Variants in MSRB3 observed in about 807,000 individuals in gnomAD.
MSRB3 encodes methionine-R-sulfoxide reductase B3.
In MSRB3, 13 loss-of-function variants were observed where a neutral mutation model predicts 21.0. The ratio of observed to expected loss-of-function variants is 0.62; its 90% CI spans 0.40 to 0.98. The LOEUF (loss-of-function observed/expected upper bound fraction) is 0.98, where lower values mean the gene tolerates loss of function less well. Among genes scored for constraint, MSRB3 ranks in the 50% least tolerant of loss-of-function variants. The pLI, the probability that MSRB3 is intolerant of heterozygous loss-of-function variation, is 0.00. For synonymous variants in MSRB3, 87 were observed against 88.6 expected, an observed-to-expected ratio of 0.98 and a Z score of 0.10; for missense variants, 199 against 230.3, an observed-to-expected ratio of 0.86 and a Z score of 0.88.
chr12:65,356,835 A>G (rs888548659), intron 4 of MSRB3, among the ~76,000 whole-genome samples: 3 of 151,888 alleles, frequency 2.0e-5, no homozygotes, highest in African/African-American at 4.8e-5. Context: ...CAAGTGGTTT[A>G]GTACAGATTT....
At chr12:65,448,335 A>G (rs1882709736) in intron 5 of MSRB3, among the ~76,000 whole-genome samples, 1 of 152,216 alleles carries the variant, frequency 6.6e-6, no homozygotes, top group Non-Finnish European at 1.5e-5. Flanking sequence ...TACAATGGTA[A>G]ATGAAACAAA....
At chr12:65,364,489 A>G (rs988966874) in intron 4 of MSRB3, among the ~76,000 whole-genome samples, 1 of 152,200 alleles carries the variant, frequency 6.6e-6, no homozygotes, top group Non-Finnish European at 1.5e-5. Context: ...AGACACAATT[A>G]TATTTATGCA....
At chr12:65,461,286 T>C (rs1248155480) in intron 6 of MSRB3, among the ~76,000 whole-genome samples, 2 of 152,258 alleles carry the variant, frequency 1.3e-5, no homozygotes, top group Non-Finnish European at 2.9e-5. Flanking sequence ...GTATTTTTAC[T>C]GGTTCATCTT....
intron 1 of MSRB3, chr12:65,284,220 C>G (rs1187824143): frequency 6.6e-6 from 1 of 152,108 alleles, no homozygotes; most frequent in Non-Finnish European, 1.5e-5. Flanking sequence ...CTTGAAATGT[C>G]ATAATCAGAG....
intron 4 of MSRB3, among the ~76,000 whole-genome samples, chr12:65,346,356 T>A (rs1192562087): frequency 3.9e-5 from 6 of 152,216 alleles, no homozygotes; most frequent in Non-Finnish European, 5.9e-5. Flanking sequence ...CATTTTTTCA[T>A]GTGTTTTTTG....
At chr12:65,363,006 G>C (rs1224004152) in intron 4 of MSRB3, among the ~76,000 whole-genome samples, 3 of 152,130 alleles carry the variant, frequency 2.0e-5, no homozygotes, top group Admixed American at 6.6e-5. Flanking sequence ...CAGATTATTT[G>C]ACTTGGATTG....
At chr12:65,370,827 T>C (rs1032710478) in intron 5 of MSRB3, among the ~76,000 whole-genome samples, 1 of 152,170 alleles carries the variant, frequency 6.6e-6, no homozygotes, top group Non-Finnish European at 1.5e-5. Flanking sequence ...TGAAAAGTCT[T>C]AAAGGGGAAT....
At chr12:65,453,081 T>A (rs768933528) in intron 5 of MSRB3, among the ~76,000 whole-genome samples, 1 of 152,200 alleles carries the variant, frequency 6.6e-6, no homozygotes, top group African/African-American at 2.4e-5. Context: ...CTAGATGCTC[T>A]TTGAGATAAG....
intron 5 of MSRB3, among the ~76,000 whole-genome samples, chr12:65,442,592 T>C (rs2136682894): frequency 6.6e-6 from 1 of 152,230 alleles, no homozygotes. Flanking sequence ...TCTTCCTGTC[T>C]GATGTAGCTA....
chr12:65,354,215 C>G (rs961024604), intron 4 of MSRB3, among the ~76,000 whole-genome samples: 12 of 151,868 alleles, frequency 7.9e-5, no homozygotes, highest in African/African-American at 2.9e-4. Flanking sequence ...TGGAGTTGCT[C>G]TTCTCGAAGA....
chr12:65,338,627 T>C (rs1038423019), intron 4 of MSRB3, among the ~76,000 whole-genome samples: 1 of 152,198 alleles, frequency 6.6e-6, no homozygotes, highest in Non-Finnish European at 1.5e-5. Context: ...GTCGAGCCTT[T>C]TTATTATCAA....
intron 2 of MSRB3, among the ~76,000 whole-genome samples, chr12:65,323,231 C>T (rs554484465): frequency 3.0e-4 from 45 of 152,292 alleles, no homozygotes; most frequent in African/African-American, 9.4e-4. Flanking sequence ...TGTTGCTGTA[C>T]GTTTATTTGT....
At position 65,308,555 on chromosome 12, in the gene MSRB3, T is replaced by A; in HGVS notation, c.-25T>A. On this transcript the variant is annotated 5_prime_UTR_variant, in exon 2 of 7. Coordinates refer to ENST00000308259, the MANE Select transcript of MSRB3 (RefSeq NM_001031679.3). ...TCTTGCCCCTGTTCTTTGCTTCTCG[T>A]TTTGTTGGTGAAGATATCACAGTGA... 6.2e-7 allele frequency: 1 copy of A among 1,613,870 alleles called. No homozygotes were observed. The highest frequency in any genetic ancestry group is 1.1e-5 in the South Asian group (1 of 91,086).
intron 1 of MSRB3, among the ~76,000 whole-genome samples, chr12:65,291,287 T>C (rs1592493098): frequency 6.6e-6 from 1 of 152,032 alleles, no homozygotes; most frequent in Non-Finnish European, 1.5e-5. Context: ...GGTTTCTCCA[T>C]GTTGGGCAGG....
intron 5 of MSRB3, among the ~76,000 whole-genome samples, chr12:65,450,664 T>C (rs1882815446): frequency 6.6e-6 from 1 of 152,188 alleles, no homozygotes. Context: ...TGGATGATCT[T>C]TCTTTAATGT....
chr12:65,457,937 T>C (rs1883164433), intron 6 of MSRB3, among the ~76,000 whole-genome samples: 1 of 152,186 alleles, frequency 6.6e-6, no homozygotes, highest in South Asian at 2.1e-4. Context: ...AAAATTCTTG[T>C]TGTATTCTTA....
At chr12:65,320,744 G>A (rs1433607796) in intron 2 of MSRB3, among the ~76,000 whole-genome samples, 1 of 152,090 alleles carries the variant, frequency 6.6e-6, no homozygotes, top group Non-Finnish European at 1.5e-5. Flanking sequence ...ACTTTCTCTT[G>A]GAAGTAAAAA....
intron 1 of MSRB3, among the ~76,000 whole-genome samples, chr12:65,289,715 T>A (rs925396135): frequency 6.6e-6 from 1 of 152,134 alleles, no homozygotes; most frequent in Non-Finnish European, 1.5e-5. Context: ...CACCCTCAAA[T>A]AGGCCCCAGT....
chr12:65,438,688 T>TG (rs1565892462), intron 5 of MSRB3, among the ~76,000 whole-genome samples: 5 of 151,708 alleles, frequency 3.3e-5, no homozygotes, highest in Non-Finnish European at 5.9e-5. Flanking sequence ...TCCAAAGGCT[T>TG]TATTTTACTT....
Sources: allele counts gnomAD v4.1 joint callset (sites outside exome capture counted in the v4.1 genomes callset), GRCh38; gene constraint gnomAD v4.1.1; transcripts MANE v1.5; gene names NCBI Gene and HGNC (gene_info 2026-07-23, HGNC 2026-07-21).